The following MBNL1 variants were observed in gnomAD, a reference collection of about 807,000 sequenced individuals.
The protein encoded by MBNL1 is muscleblind like splicing regulator 1, also known as muscleblind-like protein 1.
A neutral mutation model predicts 42.2 loss-of-function variants in MBNL1; 8 were observed. The observed-to-expected ratio is 0.19, with a 90% CI of 0.11 to 0.34. The LOEUF (loss-of-function observed/expected upper bound fraction) is 0.34, where lower values mean the gene tolerates loss of function less well. Ranked by LOEUF, MBNL1 falls within the 10% of genes least tolerant of loss-of-function variation. The probability of loss-of-function intolerance (pLI) is 1.00; values close to 1 mark genes in which losing one functional copy is unlikely to be tolerated. For missense variants in MBNL1, 309 were observed against 495.3 expected (o/e 0.62, Z 3.57); for synonymous variants, 169 against 173.9 (o/e 0.97, Z 0.22).
chr3:152,364,761 A>T (rs1478241635), intron 2 of MBNL1, among the ~76,000 whole-genome samples: 4 of 152,156 alleles, frequency 2.6e-5, no homozygotes, highest in African/African-American at 9.6e-5. Context: ...GGGGAAAAAA[A>T]ATTGGTCAGA....
chr3:152,261,375 T>C (rs1290279586), intron 2 of MBNL1, among the ~76,000 whole-genome samples: 10 of 152,118 alleles, frequency 6.6e-5, no homozygotes, highest in Non-Finnish European at 1.2e-4. Context: ...ACTCCTTTGC[T>C]TCATGAAAGA....
intron 2 of MBNL1, among the ~76,000 whole-genome samples, chr3:152,314,824 A>G (rs1010126236): frequency 3.9e-5 from 6 of 152,328 alleles, no homozygotes; most frequent in East Asian, 3.9e-4. Flanking sequence ...TTGGCTTTTC[A>G]GAAATAATAC....
intron 2 of MBNL1, among the ~76,000 whole-genome samples, chr3:152,334,591 AT>A (rs2088137187): frequency 6.6e-6 from 1 of 152,208 alleles, no homozygotes; most frequent in South Asian, 2.1e-4. Context: ...TTATGAAAAC[AT>A]TAGAATTTTC....
intron 2 of MBNL1, among the ~76,000 whole-genome samples, chr3:152,398,246 T>C (rs777316468): frequency 4.7e-4 from 71 of 152,292 alleles, no homozygotes; most frequent in Middle Eastern, 3.4e-3. Flanking sequence ...ATTATGATTT[T>C]TGAAACAGTT....
intron 2 of MBNL1, among the ~76,000 whole-genome samples, chr3:152,387,998 A>G (rs965489062): frequency 1.3e-5 from 2 of 152,226 alleles, no homozygotes; most frequent in African/African-American, 2.4e-5. Flanking sequence ...TAGATGGCCT[A>G]CAGCTCCCTG....
chr3:152,374,427 T>C (rs921776237), intron 2 of MBNL1, among the ~76,000 whole-genome samples: 1 of 152,186 alleles, frequency 6.6e-6, no homozygotes, highest in African/African-American at 2.4e-5. Context: ...CAGCCACCAG[T>C]GTCTCCCAGG....
chr3:152,456,160 T>G, intron 7 of MBNL1, 107 bp from the exon 8 acceptor site: 1 of 765,694 alleles, frequency 1.3e-6, no homozygotes, highest in Non-Finnish European at 2.4e-6. Flanking sequence ...GTCACATGGC[T>G]TATTGCTGTG....
At chr3:152,420,757 C>T (rs1560524884) in intron 3 of MBNL1, among the ~76,000 whole-genome samples, 1 of 152,162 alleles carries the variant, frequency 6.6e-6, no homozygotes, top group African/African-American at 2.4e-5. Flanking sequence ...CAAAACTGGA[C>T]AGAAAGTGAG....
At chr3:152,421,488 T>C (rs1253364545) in intron 3 of MBNL1, among the ~76,000 whole-genome samples, 1 of 152,168 alleles carries the variant, frequency 6.6e-6, no homozygotes, top group East Asian at 1.9e-4. Flanking sequence ...GGAAGGCATT[T>C]GCTATTACTG....
intron 4 of MBNL1, among the ~76,000 whole-genome samples, chr3:152,434,221 A>C (rs1457857536): frequency 6.6e-6 from 1 of 152,174 alleles, no homozygotes; most frequent in Admixed American, 6.5e-5. Flanking sequence ...ACCCTCAAAT[A>C]GGCCCTAACA....
At chr3:152,362,332 C>T (rs574808509) in intron 2 of MBNL1, among the ~76,000 whole-genome samples, 1 of 152,230 alleles carries the variant, frequency 6.6e-6, no homozygotes, top group African/African-American at 2.4e-5. Context: ...TCAGAGACAG[C>T]ACTAGTAGGG....
intron 2 of MBNL1, among the ~76,000 whole-genome samples, chr3:152,353,507 GATTT>G (rs1212088203): frequency 6.6e-6 from 1 of 151,948 alleles, no homozygotes; most frequent in Non-Finnish European, 1.5e-5. Context: ...TTCTATTTTT[GATTT>G]ATTTAATTTT....
chr3:152,248,970 G>A (rs1423692999), intron 2 of MBNL1, among the ~76,000 whole-genome samples: 2 of 151,768 alleles, frequency 1.3e-5, no homozygotes, highest in East Asian at 3.9e-4. Flanking sequence ...TGGCTGCATA[G>A]TATTCCATGG....
In MBNL1 at chr3:152,338,664, A is replaced by T. The variant is rs949640971; in HGVS notation, c.174+38297A>T. 1.1e-5 allele frequency: 11 copies of T among 985,388 alleles called. No homozygotes were observed. In the African/African-American group the frequency reaches 1.7e-4, roughly 16 times the overall value. The allele number at this position is 985,388 out of a possible 1,614,324, so 61.0% of individuals were successfully genotyped here. Reference sequence around the variant, plus strand: ...AAGCACCAAGAAACCTCTCCAGAAGATATGTAAAGGTAAGATTCTGATTTC... The same window carrying T: ...AAGCACCAAGAAACCTCTCCAGAAGTTATGTAAAGGTAAGATTCTGATTTC... On this transcript the variant is annotated intron_variant, in intron 2 of 9. Coordinates refer to ENST00000324210, the MANE Select transcript of MBNL1 (RefSeq NM_021038.5).
At chr3:152,313,094 C>A (rs1016298187) in intron 2 of MBNL1, among the ~76,000 whole-genome samples, 4 of 151,816 alleles carry the variant, frequency 2.6e-5, no homozygotes, top group African/African-American at 4.8e-5. Flanking sequence ...ACGATCTCGG[C>A]TCACTGCAAC....
intron 2 of MBNL1, among the ~76,000 whole-genome samples, chr3:152,362,093 A>G (rs1041566210): frequency 6.6e-6 from 1 of 152,220 alleles, no homozygotes; most frequent in Non-Finnish European, 1.5e-5. Context: ...TCTTGCTGCA[A>G]AACTCTTTCT....
intron 2 of MBNL1, among the ~76,000 whole-genome samples, chr3:152,320,092 A>C (rs2075490863): frequency 1.3e-5 from 2 of 152,204 alleles, no homozygotes; most frequent in African/African-American, 4.8e-5. Context: ...TCACTTCTAT[A>C]TATATAGTGT....
intron 2 of MBNL1, among the ~76,000 whole-genome samples, chr3:152,376,006 T>C (rs1221399645): frequency 6.6e-6 from 1 of 152,132 alleles, no homozygotes; most frequent in Admixed American, 6.5e-5. Context: ...TTCAGAAAAA[T>C]CTAAGTTTAG....
chr3:152,333,636 C>G (rs2086996619), intron 2 of MBNL1, among the ~76,000 whole-genome samples: 1 of 152,118 alleles, frequency 6.6e-6, no homozygotes, highest in Non-Finnish European at 1.5e-5. Flanking sequence ...ATCAGATATA[C>G]CCTATTAAAT....
Sources: gnomAD v4.1 joint callset for allele counts (sites outside exome capture counted in the v4.1 genomes callset) on GRCh38, gnomAD v4.1.1 for gene constraint, MANE v1.5 for transcripts, NCBI Gene and HGNC (gene_info 2026-07-23, HGNC 2026-07-21) for gene names.